USP14: variants seen among roughly 807,000 people sequenced by gnomAD.
The protein encoded by USP14 is ubiquitin specific peptidase 14, also known as ubiquitin carboxyl-terminal hydrolase 14.
In USP14, 38 loss-of-function variants were observed where a neutral mutation model predicts 76.5. The observed-to-expected ratio is 0.50, with a 90% CI of 0.38 to 0.65. The LOEUF is 0.65. Among genes scored for constraint, USP14 ranks in the 30% least tolerant of loss-of-function variants. The probability of loss-of-function intolerance (pLI) is 0.00; values close to 1 mark genes in which losing one functional copy is unlikely to be tolerated. For synonymous variants in USP14, 192 were observed against 191.7 expected, an observed-to-expected ratio of 1.00 and a Z score of -0.01; for missense variants, 467 against 586.5, an observed-to-expected ratio of 0.80 and a Z score of 2.10.
intron 3 of USP14, among the ~76,000 whole-genome samples, chr18:173,404 C>CA (rs1909531175): frequency 6.6e-6 from 1 of 151,324 alleles, no homozygotes; most frequent in Non-Finnish European, 1.5e-5. Flanking sequence ...AGCCACCATG[C>CA]CCGGCCTATA....
chr18:191,405 G>T (rs1567832527), intron 5 of USP14, among the ~76,000 whole-genome samples: 1 of 152,100 alleles, frequency 6.6e-6, no homozygotes, highest in Non-Finnish European at 1.5e-5. Context: ...AAGCATAGAG[G>T]TTTTGCTTTT....
Position 200,889 on chromosome 18 carries a change from A to C in USP14, c.876+1573A>C, listed in dbSNP as rs546105555. ...CAATCTCGGCTCACTGCAACCTCTG[A>C]CTCCCAGGTTCAAGAGATTCTCCTG... On this transcript the variant is annotated intron_variant, in intron 10 of 15. Coordinates refer to ENST00000261601, the MANE Select transcript of USP14 (RefSeq NM_005151.4). Among the ~76,000 whole-genome samples, 4 of 152,052 alleles carry C rather than the reference A, an allele frequency of 2.6e-5. No homozygotes were observed. In the South Asian group the frequency reaches 6.2e-4, roughly 24 times the overall value.
At chr18:203,242 T>C in intron 12 of USP14, 52 bp downstream of exon 12, 1 of 1,500,070 alleles carries the variant, frequency 6.7e-7, no homozygotes, top group Non-Finnish European at 9.2e-7. Flanking sequence ...TGAAGGTAAT[T>C]GCTAACTCAC....
In USP14 at chr18:199,286, A is replaced by C; in HGVS notation, c.846A>C (p.Glu282Asp). The C allele has an allele frequency of 6.2e-7, 1 of 1,613,732 alleles. No homozygotes were observed. The highest frequency in any genetic ancestry group is 8.5e-7 in the Non-Finnish European group (1 of 1,179,712). The change falls in exon 10 of 16, where the codon GAA becomes GAC. Residue 282 changes from glutamate to aspartate, a missense_variant. By Grantham distance (45) the Glu-to-Asp change is conservative. Coordinates refer to ENST00000261601, the MANE Select transcript of USP14 (RefSeq NM_005151.4). Reference protein sequence around the residue: ...QLQLSCFINQEVKYLFTGLKL... With the variant: ...QLQLSCFINQDVKYLFTGLKL... The stretch of plus-strand genomic sequence containing the variant: ...AGCTTAGCTGTTTTATCAATCAGGA[A>C]GTCAAGTATCTTTTTACAGGACTTA...
chr18:196,368 C>G (rs1233913203), intron 6 of USP14, among the ~76,000 whole-genome samples: 1 of 150,892 alleles, frequency 6.6e-6, no homozygotes, highest in Non-Finnish European at 1.5e-5. Flanking sequence ...AAAAAAAATA[C>G]AAAAAATTAG....
In USP14 at chr18:210,494, G is replaced by A. The variant is rs1294171565; in HGVS notation, c.1333+1G>A. The A allele has an allele frequency of 1.3e-6, 2 of 1,568,758 alleles. No homozygotes were observed. On this transcript the variant is annotated splice_donor_variant, in intron 15 of 15. Coordinates refer to ENST00000261601, the MANE Select transcript of USP14 (RefSeq NM_005151.4). LOFTEE classifies it high-confidence loss of function. ...GTATCATGGGTGAAAAGGAAACAAG[G>A]TAAAGGGTATTCTTTTTTCAACTGT...
chr18:182,206 A>G (rs1303899562), intron 5 of USP14, among the ~76,000 whole-genome samples: 1 of 152,264 alleles, frequency 6.6e-6, no homozygotes, highest in Non-Finnish European at 1.5e-5. Flanking sequence ...ATGGTCTACA[A>G]ATAAGGGCCC....
Position 213,477 on chromosome 18 carries a change from A to C in USP14, c.*2193A>C, listed in dbSNP as rs1329731436. 3 of 152,536 alleles carry C rather than the reference A, an allele frequency of 2.0e-5. No individual in the cohort carries two copies. The highest frequency in any genetic ancestry group is 7.2e-5 in the African/African-American group (3 of 41,416). 9.4% of individuals were successfully genotyped at this position (152,536 alleles called of 1,614,324 possible). On this transcript the variant is annotated 3_prime_UTR_variant, in exon 16 of 16. Coordinates refer to ENST00000261601, the MANE Select transcript of USP14 (RefSeq NM_005151.4). ...AACTAATAAGGCTATTTTAGAATTC[A>C]GCCTTGCCTGTAAGGTCTTTGAGAA...
intron 5 of USP14, among the ~76,000 whole-genome samples, chr18:186,490 T>C (rs1309413750): frequency 6.6e-6 from 1 of 151,754 alleles, no homozygotes; most frequent in Non-Finnish European, 1.5e-5. Flanking sequence ...CAGTGGCTCA[T>C]GCTTGTAATC....
chr18:176,034 C>G (rs961295448), intron 3 of USP14, among the ~76,000 whole-genome samples: 8 of 151,798 alleles, frequency 5.3e-5, no homozygotes, highest in Non-Finnish European at 1.0e-4. Flanking sequence ...ACTGTTATTA[C>G]CCTTTAACTC....
At chr18:162,994 T>G (rs953402657) in intron 1 of USP14, 170 of 170,802 alleles carry the variant, frequency 1.0e-3, no homozygotes, top group Non-Finnish European at 1.9e-4. Context: ...GACAGGCTGG[T>G]CTCGAACTCC....
intron 1 of USP14, chr18:158,951 G>A: frequency 2.0e-6 from 1 of 489,082 alleles, no homozygotes; most frequent in Non-Finnish European, 3.2e-6. Flanking sequence ...AGTGGAGATG[G>A]GGAAGCCTCT....
chr18:179,095 G>A (rs1459895874), intron 4 of USP14, 58 bp downstream of exon 4: 4 of 1,250,382 alleles, frequency 3.2e-6, no homozygotes, highest in East Asian at 4.8e-5. Context: ...CCATTATTAA[G>A]GTGTCTTTCA....
intron 3 of USP14, among the ~76,000 whole-genome samples, chr18:169,693 G>C (rs1909387700): frequency 6.6e-6 from 1 of 152,048 alleles, no homozygotes; most frequent in Admixed American, 6.6e-5. Flanking sequence ...ATAAGTTGAA[G>C]GTTTGTGGCC....
At chr18:206,579 G>T (rs1281711451) in intron 13 of USP14, among the ~76,000 whole-genome samples, 1 of 151,890 alleles carries the variant, frequency 6.6e-6, no homozygotes, top group African/African-American at 2.4e-5. Context: ...TTCTTTAGTT[G>T]CTTGTGCTAT....
intron 13 of USP14, among the ~76,000 whole-genome samples, chr18:209,531 T>G (rs1910614987): frequency 6.6e-6 from 1 of 152,226 alleles, no homozygotes; most frequent in African/African-American, 2.4e-5. Context: ...GCTGGCGTGG[T>G]AAGTGGACAT....
chr18:168,623 CAG>C (rs1189891780), intron 3 of USP14, among the ~76,000 whole-genome samples: 2 of 151,308 alleles, frequency 1.3e-5, no homozygotes, highest in African/African-American at 4.8e-5. Flanking sequence ...TTGGTAGAGA[CAG>C]GGTTTCGCAA....
At chr18:183,021 A>G (rs1056250283) in intron 5 of USP14, among the ~76,000 whole-genome samples, 3 of 152,246 alleles carry the variant, frequency 2.0e-5, no homozygotes, top group African/African-American at 7.2e-5. Flanking sequence ...TCTGAATTCT[A>G]GGTAGCTAAG....
rs1199346784 is a variant in USP14, at chr18:182,280, C to T, written c.404+1941C>T. On this transcript the variant is annotated intron_variant, in intron 5 of 15. Coordinates refer to ENST00000261601, the MANE Select transcript of USP14 (RefSeq NM_005151.4). The stretch of plus-strand genomic sequence containing the variant: ...TAACTTAATTCTGACTAAATTTATA[C>T]AACTGTCTTGATACATAAATTGTCA... 2.0e-5 allele frequency among the ~76,000 whole-genome samples: 3 copies of T among 152,274 alleles called. No homozygotes were observed. The East Asian group carries it at 5.8e-4, about 29-fold the overall frequency.
Sources: allele counts gnomAD v4.1 joint callset (sites outside exome capture counted in the v4.1 genomes callset), GRCh38; gene constraint gnomAD v4.1.1; transcripts MANE v1.5; gene names NCBI Gene and HGNC (gene_info 2026-07-23, HGNC 2026-07-21).